PTPRK: variants seen among roughly 807,000 people sequenced by gnomAD.
PTPRK encodes the protein protein tyrosine phosphatase receptor type K.
Under a neutral mutation model 178.0 loss-of-function variants are expected in PTPRK, and 75 were observed. That is an observed-to-expected ratio of 0.42 (90% CI 0.35 to 0.51). PTPRK has a LOEUF of 0.51. PTPRK is among the 20% of genes least tolerant of loss of function. The pLI is 0.02. For missense variants in PTPRK, 1,441 were observed against 1,797.8 expected, an observed-to-expected ratio of 0.80 and a Z score of 3.59; for synonymous variants, 637 against 620.6, an observed-to-expected ratio of 1.03 and a Z score of -0.39.
intron 1 of PTPRK, among the ~76,000 whole-genome samples, chr6:128,485,727 C>A (rs540136765): frequency 5.3e-5 from 8 of 151,992 alleles, no homozygotes; most frequent in Non-Finnish European, 1.0e-4. Context: ...GAAAGGATTT[C>A]GAAGGAGAAG....
chr6:128,313,368 T>A (rs1562264793), intron 3 of PTPRK, among the ~76,000 whole-genome samples: 1 of 152,126 alleles, frequency 6.6e-6, no homozygotes, highest in Non-Finnish European at 1.5e-5. Context: ...GGGCCTATAA[T>A]ACTATTGGAG....
chr6:128,242,301 G>C (rs901583310), intron 4 of PTPRK, among the ~76,000 whole-genome samples: 2 of 152,116 alleles, frequency 1.3e-5, no homozygotes, highest in African/African-American at 4.8e-5. Context: ...TAATTTAAAA[G>C]AATCTCCTAA....
intron 1 of PTPRK, among the ~76,000 whole-genome samples, chr6:128,477,775 CACTG>C (rs1241018973): frequency 1.1e-4 from 16 of 152,092 alleles, no homozygotes; most frequent in Admixed American, 2.0e-4. Flanking sequence ...ACAATTTAAA[CACTG>C]ACTTTTTTTA....
intron 13 of PTPRK, among the ~76,000 whole-genome samples, chr6:128,016,401 A>G (rs917032258): frequency 4.6e-5 from 7 of 151,818 alleles, no homozygotes; most frequent in Non-Finnish European, 5.9e-5. Context: ...TTATCTTCGG[A>G]AAGAAAGGTG....
intron 24 of PTPRK, 103 bp downstream of exon 24, chr6:127,982,728 C>A: frequency 5.0e-6 from 5 of 1,004,638 alleles, no homozygotes; most frequent in Non-Finnish European, 7.3e-6. Flanking sequence ...AAAACAGGAT[C>A]AAAGGTTATA....
At chr6:128,202,664 G>A (rs914442634) in intron 6 of PTPRK, among the ~76,000 whole-genome samples, 1 of 152,146 alleles carries the variant, frequency 6.6e-6, no homozygotes, top group African/African-American at 2.4e-5. Flanking sequence ...CAGGGAAGGG[G>A]TGGTTGCCAT....
intron 5 of PTPRK, among the ~76,000 whole-genome samples, chr6:128,226,761 C>CATATATATATATATAT (rs71028117): frequency 1.1e-3 from 117 of 109,526 alleles, no homozygotes; most frequent in Non-Finnish European, 1.4e-3. Flanking sequence ...ATTATATAGA[C>CATATATATATATATAT]ATATATATAT....
Position 128,397,641 on chromosome 6 carries a change from C to G in PTPRK, c.148G>C (p.Asp50His), listed in dbSNP as rs769706717. 3 of 1,613,514 alleles carry G rather than the reference C, an allele frequency of 1.9e-6. No individual in the cohort carries two copies. Among genetic ancestry groups the G allele is most frequent in the Non-Finnish European group, 1.7e-6 (2 of 1,179,562 alleles). Residue 50 changes from aspartate (D) to histidine (H), a missense_variant, in exon 2 of 30, where the codon GAT becomes CAT. Asp to His is a moderately conservative substitution (Grantham distance 81). This residue lies in a region of PTPRK where 158 missense variants were observed against 188.0 expected (regional missense o/e 0.84). Coordinates refer to ENST00000368226, the MANE Select transcript of PTPRK (RefSeq NM_002844.4). ...DGPGACDYHQDLYDDFEWVHV... is the reference protein window; with the variant it reads ...DGPGACDYHQHLYDDFEWVHV... The stretch of plus-strand genomic sequence containing the variant: ...ACCCATTCAAAGTCATCATACAGAT[C>G]CTGGTGGTAATCACAGGCCCCTGGA...
intron 7 of PTPRK, among the ~76,000 whole-genome samples, chr6:128,114,855 GC>G (rs1029766009): frequency 4.6e-5 from 7 of 151,946 alleles, no homozygotes; most frequent in African/African-American, 1.7e-4. Context: ...ATAAAGGCAT[GC>G]CAGGAGCAAA....
chr6:128,181,410 T>G (rs1328208748), intron 7 of PTPRK, among the ~76,000 whole-genome samples: 1 of 152,086 alleles, frequency 6.6e-6, no homozygotes, highest in Non-Finnish European at 1.5e-5. Flanking sequence ...TTATCAACAT[T>G]TATTCAATCA....
At position 127,998,740 on chromosome 6, in the gene PTPRK, C is replaced by G; in HGVS notation, c.2659G>C (p.Gly887Arg). 6.9e-6 allele frequency: 11 copies of G among 1,593,624 alleles called. No individual in the cohort carries two copies. Among genetic ancestry groups the G allele is most frequent in the Non-Finnish European group, 9.4e-6 (11 of 1,167,680 alleles). ...INLMKTSDSY[G>R]FKEEYESFFE... ...TTCACCTCATATTCCTCTTTGAACCCATAGCTGTCTGATGTCTTCATGAGA... is the reference window on the plus strand; with the variant it reads ...TTCACCTCATATTCCTCTTTGAACCGATAGCTGTCTGATGTCTTCATGAGA... The change falls in exon 16 of 30, where the codon GGG becomes CGG. Residue 887 changes from glycine to arginine, a missense_variant. By Grantham distance (125) the Gly-to-Arg change is moderately radical. Around this residue, in one of 4 missense-constraint regions of PTPRK, gnomAD observed 945 missense variants for 1,080.6 expected, o/e 0.87. Transcript: ENST00000368226.
chr6:128,297,362 G>A (rs1467549656), intron 3 of PTPRK, among the ~76,000 whole-genome samples: 1 of 152,168 alleles, frequency 6.6e-6, no homozygotes, highest in Non-Finnish European at 1.5e-5. Context: ...ACTCAGCTCT[G>A]CACTAGGCAG....
At chr6:128,257,438 G>A (rs1817520074) in intron 3 of PTPRK, among the ~76,000 whole-genome samples, 1 of 152,034 alleles carries the variant, frequency 6.6e-6, no homozygotes, top group Non-Finnish European at 1.5e-5. Flanking sequence ...TTCAAGAACT[G>A]GAATCTCATC....
chr6:128,361,773 G>C (rs1012008747), intron 2 of PTPRK, among the ~76,000 whole-genome samples: 4 of 151,952 alleles, frequency 2.6e-5, no homozygotes, highest in Non-Finnish European at 5.9e-5. Context: ...TTGTATATAC[G>C]CAGTCTATCA....
At chr6:128,007,733 C>T (rs540748538) in intron 14 of PTPRK, among the ~76,000 whole-genome samples, 2 of 151,002 alleles carry the variant, frequency 1.3e-5, no homozygotes, top group African/African-American at 4.8e-5. Flanking sequence ...TAATCAGAAG[C>T]CACTTTCATG....
Position 127,970,113 on chromosome 6 carries a change from G to T in PTPRK, c.*114C>A. 1.4e-6 allele frequency: 1 copy of T among 705,806 alleles called. No individual in the cohort carries two copies. The highest frequency in any genetic ancestry group is 2.5e-5 in the South Asian group (1 of 39,336). The allele number at this position is 705,806 out of a possible 1,614,324, so 43.7% of individuals were successfully genotyped here. ...ATACTTTTACCTCTCAAATGTAAAA[G>T]TCTCCCACCCCCCACATTAAAATCT... On this transcript the variant is annotated 3_prime_UTR_variant, in exon 30 of 30. Coordinates refer to ENST00000368226, the MANE Select transcript of PTPRK (RefSeq NM_002844.4).
intron 2 of PTPRK, among the ~76,000 whole-genome samples, chr6:128,380,629 G>A (rs1837768963): frequency 6.6e-6 from 1 of 151,688 alleles, no homozygotes; most frequent in Non-Finnish European, 1.5e-5. Context: ...CATCCATGGA[G>A]CTGCAGGTTT....
chr6:128,233,738 T>C (rs754903008), intron 5 of PTPRK, among the ~76,000 whole-genome samples: 99 of 152,194 alleles, frequency 6.5e-4, no homozygotes, highest in Non-Finnish European at 1.1e-3. Context: ...TACTGACAGA[T>C]TGGCCCAATT....
intron 7 of PTPRK, 102 bp downstream of exon 7, chr6:128,184,330 A>G (rs908323520): frequency 1.8e-6 from 2 of 1,133,780 alleles, no homozygotes; most frequent in African/African-American, 3.2e-5. Flanking sequence ...TAGTGTGACT[A>G]TATCATATAT....
Sources: gnomAD v4.1 joint callset for allele counts (sites outside exome capture counted in the v4.1 genomes callset) on GRCh38, gnomAD v4.1.1 for gene constraint, gnomAD v4.1.1 regional missense constraint, MANE v1.5 for transcripts, NCBI Gene and HGNC (gene_info 2026-07-23, HGNC 2026-07-21) for gene names.